The following PPARGC1A variants were observed in gnomAD, a reference collection of about 807,000 sequenced individuals.
PPARGC1A encodes PPARG coactivator 1 alpha, also known as peroxisome proliferator-activated receptor gamma coactivator 1-alpha.
A neutral mutation model predicts 88.7 loss-of-function variants in PPARGC1A; 25 were observed. The ratio of observed to expected loss-of-function variants is 0.28; its 90% CI spans 0.21 to 0.39. PPARGC1A has a LOEUF of 0.39. Ranked by LOEUF, PPARGC1A falls within the 10% of genes least tolerant of loss-of-function variation. The probability of loss-of-function intolerance (pLI) is 1.00; values close to 1 mark genes in which losing one functional copy is unlikely to be tolerated. For missense variants in PPARGC1A, 880 were observed against 968.7 expected (o/e 0.91, Z 1.22); for synonymous variants, 363 against 355.6 (o/e 1.02, Z -0.24).
the PPARGC1A span, among the ~76,000 whole-genome samples, chr4:24,011,765 G>C: frequency 3.3e-5 from 5 of 152,180 alleles, no homozygotes; most frequent in Non-Finnish European, 5.9e-5. Flanking sequence ...CATGAAATCT[G>C]TGGCAACCTA....
the PPARGC1A span, among the ~76,000 whole-genome samples, chr4:24,168,087 G>A: frequency 1.3e-5 from 2 of 152,136 alleles, no homozygotes; most frequent in African/African-American, 2.4e-5. Context: ...GTATGTAAAG[G>A]TTTATACATA....
the PPARGC1A span, among the ~76,000 whole-genome samples, chr4:24,461,610 C>CGTGT: frequency 2.3e-4 from 35 of 150,254 alleles, no homozygotes; most frequent in African/African-American, 7.6e-4. Flanking sequence ...TCGTGTCTAT[C>CGTGT]GTGTGTGTGT....
rs140045166 is a variant in PPARGC1A, at chr4:23,810,431, G to C, written c.2019+2316C>G. Among the ~76,000 whole-genome samples the C allele has an allele frequency of 3.2e-4, 48 of 152,288 alleles. No individual in the cohort carries two copies. In the East Asian group the frequency reaches 9.3e-3, roughly 29 times the overall value. Reference sequence around the variant, plus strand: ...ATTTGTAACACAAAGGGACAACAGGGTAGCATCTGCTTCCAAGCTGAGGCT... The same window carrying C: ...ATTTGTAACACAAAGGGACAACAGGCTAGCATCTGCTTCCAAGCTGAGGCT... On this transcript the variant is annotated intron_variant, in intron 10 of 12. Coordinates refer to ENST00000264867, the MANE Select transcript of PPARGC1A (RefSeq NM_013261.5).
the PPARGC1A span, among the ~76,000 whole-genome samples, chr4:24,227,987 G>A: frequency 1.3e-5 from 2 of 152,164 alleles, no homozygotes; most frequent in South Asian, 2.1e-4. Context: ...TATAGTGGAG[G>A]AATGGAGTGA....
intron 2 of PPARGC1A, among the ~76,000 whole-genome samples, chr4:23,866,700 G>A (rs554580196): frequency 1.6e-3 from 247 of 152,184 alleles, no homozygotes; most frequent in Non-Finnish European, 1.4e-3. Flanking sequence ...TCTTAAATAC[G>A]ACCAAACTTG....
the PPARGC1A span, among the ~76,000 whole-genome samples, chr4:24,030,837 C>T: frequency 2.6e-5 from 4 of 152,168 alleles, no homozygotes; most frequent in African/African-American, 9.7e-5. Context: ...CAAAGACTGG[C>T]CTTGAAGCAC....
At chr4:24,186,646 T>C in the PPARGC1A span, among the ~76,000 whole-genome samples, 1 of 152,068 alleles carries the variant, frequency 6.6e-6, no homozygotes, top group Admixed American at 6.6e-5. Flanking sequence ...CCTCACACTC[T>C]ATTATGGCGC....
At chr4:24,187,850 C>T in the PPARGC1A span, among the ~76,000 whole-genome samples, 8 of 152,192 alleles carry the variant, frequency 5.3e-5, 1 homozygote, top group African/African-American at 1.7e-4. Flanking sequence ...TTGATAAATG[C>T]CCTGAAGAAT....
the PPARGC1A span, among the ~76,000 whole-genome samples, chr4:23,967,830 G>A: frequency 6.6e-6 from 1 of 152,180 alleles, no homozygotes; most frequent in African/African-American, 2.4e-5. Context: ...CACAGAAGCA[G>A]TGTGTGAAGC....
Position 23,813,947 on chromosome 4 carries a change from A to G in PPARGC1A, c.1536T>C (p.Asp512=), listed in dbSNP as rs1218330714. The change falls in exon 8 of 13, where the codon GAT becomes GAC. Residue 512 remains aspartate, a synonymous_variant. Transcript: ENST00000264867. ...NSGLAMDGLF[D]DSEDESDKLS... Reference sequence around the variant, plus strand: ...GTTTATCACTTTCATCTTCGCTGTCATCAAACAGGCCATCCATGGCTAGTC... The same window carrying G: ...GTTTATCACTTTCATCTTCGCTGTCGTCAAACAGGCCATCCATGGCTAGTC... 10 of 1,613,986 alleles carry G rather than the reference A, an allele frequency of 6.2e-6. No individual in the cohort carries two copies. The African/African-American group carries it at 9.3e-5, about 15-fold the overall frequency.
the PPARGC1A span, among the ~76,000 whole-genome samples, chr4:24,128,582 ACG>A: frequency 8.2e-6 from 1 of 122,292 alleles, no homozygotes; most frequent in Non-Finnish European, 1.7e-5. Flanking sequence ...GTGTGTGTGC[ACG>A]CGCATCTGTG....
the PPARGC1A span, among the ~76,000 whole-genome samples, chr4:24,182,599 T>A: frequency 6.6e-6 from 1 of 152,188 alleles, no homozygotes; most frequent in East Asian, 1.9e-4. Flanking sequence ...GTTGAACTAA[T>A]TTACACTCCC....
chr4:24,125,850 A>C, the PPARGC1A span, among the ~76,000 whole-genome samples: 1 of 152,110 alleles, frequency 6.6e-6, no homozygotes, highest in Non-Finnish European at 1.5e-5. Context: ...TGCCCTGCCC[A>C]CCTCCCAAGA....
chr4:24,358,220 C>T, the PPARGC1A span, among the ~76,000 whole-genome samples: 6 of 152,194 alleles, frequency 3.9e-5, no homozygotes, highest in African/African-American at 1.2e-4. Flanking sequence ...GCCCCTCTGA[C>T]CCCAAAGTCT....
chr4:23,916,772 T>C, the PPARGC1A span, among the ~76,000 whole-genome samples: 1 of 152,222 alleles, frequency 6.6e-6, no homozygotes, highest in Admixed American at 6.5e-5. Flanking sequence ...AAATGTTAGT[T>C]ATCATCACCA....
At chr4:24,254,762 T>C in the PPARGC1A span, among the ~76,000 whole-genome samples, 2 of 152,222 alleles carry the variant, frequency 1.3e-5, no homozygotes, top group South Asian at 2.1e-4. Context: ...TTTCCAATTA[T>C]TGAAATTCCA....
chr4:24,339,390 A>G, the PPARGC1A span, among the ~76,000 whole-genome samples: 3 of 150,204 alleles, frequency 2.0e-5, no homozygotes, highest in East Asian at 2.0e-4. Flanking sequence ...CTTATTTCCC[A>G]TTTCAGAGAC....
At chr4:23,808,437 T>A (rs1720279610) in intron 10 of PPARGC1A, among the ~76,000 whole-genome samples, 2 of 152,090 alleles carry the variant, frequency 1.3e-5, no homozygotes, top group African/African-American at 4.8e-5. Flanking sequence ...CTGAGCCATA[T>A]CACAATGTCT....
chr4:24,091,733 G>T, the PPARGC1A span: 13 of 697,990 alleles, frequency 1.9e-5, no homozygotes, highest in African/African-American at 2.3e-4. Flanking sequence ...CCAGACAGAT[G>T]CCAACTGGCC....
Sources: gnomAD v4.1 joint callset for allele counts (sites outside exome capture counted in the v4.1 genomes callset) on GRCh38, gnomAD v4.1.1 for gene constraint, MANE v1.5 for transcripts, NCBI Gene and HGNC (gene_info 2026-07-23, HGNC 2026-07-21) for gene names.